Variants in TIAM1 observed in about 807,000 individuals in gnomAD.
TIAM1 encodes rho guanine nucleotide exchange factor TIAM1.
TIAM1 carries 65 observed loss-of-function variants against 163.5 expected under a neutral mutation model. The ratio of observed to expected loss-of-function variants is 0.40; its 90% confidence interval spans 0.33 to 0.49. TIAM1 has a LOEUF of 0.49. TIAM1 is among the 20% of genes least tolerant of loss of function. The pLI is 0.77. For missense variants in TIAM1, 1,789 were observed against 2,044.7 expected (o/e 0.87, Z 2.41); for synonymous variants, 833 against 810.1 (o/e 1.03, Z -0.48).
chr21:31,193,309 AAC>A, intron 13 of TIAM1, among the ~76,000 whole-genome samples: 1 of 152,248 alleles, frequency 6.6e-6, no homozygotes, highest in Middle Eastern at 3.4e-3. Context: ...ACAGTGCCTA[AAC>A]TGTGGTACAA....
Position 31,165,027 on chromosome 21 carries a change from T to C in TIAM1, c.2926A>G (p.Thr976Ala), listed in dbSNP as rs1555876982. The C allele has an allele frequency of 3.7e-6, 6 of 1,614,124 alleles. No homozygotes were observed. In the African/African-American group the frequency reaches 5.3e-5, roughly 14 times the overall value. Residue 976 changes from threonine to alanine, a missense_variant, in exon 16 of 28, where the codon ACC becomes GCC. Thr to Ala is a moderately conservative substitution (Grantham distance 58). Transcript: ENST00000541036. ...LCSEQGSSAETAPEETEGPDL... is the reference protein window; with the variant it reads ...LCSEQGSSAEAAPEETEGPDL... ...GGCCCCTCGGTCTCCTCTGGAGCGG[T>C]CTCAGCACTGCTGCCCTGCTCGCTG...
chr21:31,208,400 C>T (rs1248597761), intron 11 of TIAM1, among the ~76,000 whole-genome samples: 3 of 152,192 alleles, frequency 2.0e-5, no homozygotes, highest in Admixed American at 6.5e-5. Context: ...ATCTGCAGAT[C>T]TGACAATAAC....
intron 2 of TIAM1, among the ~76,000 whole-genome samples, chr21:31,389,355 C>G (rs983623172): frequency 1.3e-5 from 2 of 152,128 alleles, no homozygotes; most frequent in African/African-American, 2.4e-5. Context: ...ATTACAGGTG[C>G]CTTCCACCAC....
At chr21:31,143,837 C>T (rs2082976687) in intron 20 of TIAM1, among the ~76,000 whole-genome samples, 1 of 151,982 alleles carries the variant, frequency 6.6e-6, no homozygotes, top group Non-Finnish European at 1.5e-5. Flanking sequence ...AGCAATTGTC[C>T]TGCCTCAGCC....
At chr21:31,409,926 G>T (rs2077316744) in intron 2 of TIAM1, among the ~76,000 whole-genome samples, 1 of 152,004 alleles carries the variant, frequency 6.6e-6, no homozygotes, top group African/African-American at 2.4e-5. Flanking sequence ...TTTTAAGCAG[G>T]ATTTATAAAG....
chr21:31,438,205 T>G (rs2044285135), intron 2 of TIAM1, among the ~76,000 whole-genome samples: 1 of 136,476 alleles, frequency 7.3e-6, no homozygotes, highest in African/African-American at 2.8e-5. Context: ...TTTTTTTTTT[T>G]TTTTGAGACA....
chr21:31,354,860 C>T (rs1416711159), intron 2 of TIAM1, among the ~76,000 whole-genome samples: 3 of 152,152 alleles, frequency 2.0e-5, no homozygotes, highest in Non-Finnish European at 4.4e-5. Flanking sequence ...ACAACCTGCC[C>T]AGCTGACAAT....
chr21:31,536,317 G>T (rs144666263), intron 1 of TIAM1, among the ~76,000 whole-genome samples: 8 of 152,348 alleles, frequency 5.3e-5, no homozygotes, highest in African/African-American at 1.9e-4. Context: ...CAGATTGGGG[G>T]TTTCCCCTAT....
At chr21:31,159,371 C>A (rs1191368323) in intron 16 of TIAM1, among the ~76,000 whole-genome samples, 1 of 152,154 alleles carries the variant, frequency 6.6e-6, no homozygotes, top group Non-Finnish European at 1.5e-5. Context: ...TAAGTACACA[C>A]TATCAACTCA....
chr21:31,450,911 G>C (rs1017998173), intron 2 of TIAM1, among the ~76,000 whole-genome samples: 1 of 151,980 alleles, frequency 6.6e-6, no homozygotes, highest in Non-Finnish European at 1.5e-5. Flanking sequence ...GGGAATTACG[G>C]GAGCTACACT....
intron 3 of TIAM1, among the ~76,000 whole-genome samples, chr21:31,270,286 T>C (rs1205306243): frequency 6.6e-6 from 1 of 152,124 alleles, no homozygotes; most frequent in Non-Finnish European, 1.5e-5. Context: ...AGCACCTCAC[T>C]AACATCATCA....
intron 2 of TIAM1, among the ~76,000 whole-genome samples, chr21:31,326,555 G>A (rs1268695121): frequency 6.6e-6 from 1 of 152,180 alleles, no homozygotes; most frequent in Non-Finnish European, 1.5e-5. Context: ...CCATGAACTG[G>A]AAAGAAAGAA....
At chr21:31,519,579 A>G (rs1037390791) in intron 1 of TIAM1, among the ~76,000 whole-genome samples, 1 of 151,908 alleles carries the variant, frequency 6.6e-6, no homozygotes, top group African/African-American at 2.4e-5. Context: ...CAGAGTAAAC[A>G]CCCAAAAGAA....
At chr21:31,362,448 T>TATC (rs768660525) in intron 2 of TIAM1, among the ~76,000 whole-genome samples, 2 of 97,270 alleles carry the variant, frequency 2.1e-5, no homozygotes, top group African/African-American at 8.6e-5. Flanking sequence ...CAGTGACAAT[T>TATC]ATTATTATTA....
intron 2 of TIAM1, among the ~76,000 whole-genome samples, chr21:31,392,348 A>T (rs1050357390): frequency 2.6e-5 from 4 of 152,068 alleles, no homozygotes; most frequent in Admixed American, 6.5e-5. Context: ...AGGCGGGTAG[A>T]TCACCTGAGG....
intron 1 of TIAM1, among the ~76,000 whole-genome samples, chr21:31,467,390 T>C (rs2045570597): frequency 6.6e-6 from 1 of 152,086 alleles, no homozygotes; most frequent in Non-Finnish European, 1.5e-5. Context: ...CCCGGCACTC[T>C]GGGAGGCCGA....
At chr21:31,558,593 G>A (rs1468176019) in intron 1 of TIAM1, among the ~76,000 whole-genome samples, 1 of 152,124 alleles carries the variant, frequency 6.6e-6, no homozygotes, top group Non-Finnish European at 1.5e-5. Flanking sequence ...CTGACCTCCT[G>A]CTGCCGAGAG....
chr21:31,486,817 G>A (rs1443732101), intron 1 of TIAM1, among the ~76,000 whole-genome samples: 1 of 152,226 alleles, frequency 6.6e-6, no homozygotes, highest in African/African-American at 2.4e-5. Context: ...TGTAATGAGA[G>A]TCATATCACC....
chr21:31,540,277 TGGGAG>T (rs1197369256), intron 1 of TIAM1, among the ~76,000 whole-genome samples: 1 of 150,612 alleles, frequency 6.6e-6, no homozygotes, highest in Non-Finnish European at 1.5e-5. Flanking sequence ...CCCAGCTACT[TGGGAG>T]GCTGAGGCAG....
Sources: gnomAD v4.1 joint callset for allele counts (sites outside exome capture counted in the v4.1 genomes callset) on GRCh38, gnomAD v4.1.1 for gene constraint, MANE v1.5 for transcripts, NCBI Gene and HGNC (gene_info 2026-07-23, HGNC 2026-07-21) for gene names.